HSPG2: variants seen among roughly 807,000 people sequenced by gnomAD.
HSPG2 encodes heparan sulfate proteoglycan 2, also known as basement membrane-specific heparan sulfate proteoglycan core protein.
A neutral mutation model predicts 526.6 loss-of-function variants in HSPG2; 278 were observed. That is an observed-to-expected ratio of 0.53 (90% confidence interval 0.48 to 0.58). The LOEUF is 0.58. HSPG2 is among the 20% of genes least tolerant of loss of function. HSPG2 has a pLI of 0.00. For missense variants in HSPG2, 5,354 were observed against 6,099.5 expected, an observed-to-expected ratio of 0.88 and a Z score of 4.07; for synonymous variants, 2,465 against 2,555.4, an observed-to-expected ratio of 0.96 and a Z score of 1.07.
In HSPG2 at chr1:21,855,681, G is replaced by T; in HGVS notation, c.5702-6C>A. On this transcript the variant is annotated splice_polypyrimidine_tract_variant and splice_region_variant and intron_variant, in intron 45 of 96. Coordinates refer to ENST00000374695, the MANE Select transcript of HSPG2 (RefSeq NM_005529.7). ...GAGCTGGCCGCCGGGGCCCCCTGACGAGTAGACGTGGGGTCAGCACCCACC... is the reference window on the plus strand; with the variant it reads ...GAGCTGGCCGCCGGGGCCCCCTGACTAGTAGACGTGGGGTCAGCACCCACC... 1 of 1,579,370 alleles carries T rather than the reference G, an allele frequency of 6.3e-7. No individual in the cohort carries two copies. The highest frequency in any genetic ancestry group is 2.3e-5 in the East Asian group (1 of 43,424).
At position 21,895,342 on chromosome 1, in the gene HSPG2, C is replaced by T. The variant is rs1163947429; in HGVS notation, c.244+580G>A. Among the ~76,000 whole-genome samples, 2 of 152,156 alleles carry T rather than the reference C, an allele frequency of 1.3e-5. No individual in the cohort carries two copies. Among genetic ancestry groups the T allele is most frequent in the Non-Finnish European group, 2.9e-5 (2 of 68,004 alleles). ...CATCCCAGTGCTGGGCCAGTCTGAC[C>T]AGGGTGGGGGCTGACTCTCCTCCCT... On this transcript the variant is annotated intron_variant, in intron 3 of 96. Transcript: ENST00000374695. This position sits in a 1 kb window ranked among gnomAD's most constrained non-coding sequence, Gnocchi z 4.1.
At chr1:21,925,186 T>C (rs192358997) in intron 1 of HSPG2, among the ~76,000 whole-genome samples, 4 of 152,284 alleles carry the variant, frequency 2.6e-5, no homozygotes, top group Admixed American at 2.6e-4. Context: ...GGGGGATTGA[T>C]AACACAGATC....
At chr1:21,841,974 T>C (rs1344522265) in intron 69 of HSPG2, 28 bp downstream of exon 69, 1 of 1,612,064 alleles carries the variant, frequency 6.2e-7, no homozygotes, top group Non-Finnish European at 8.5e-7. Flanking sequence ...GCCCCCAGCT[T>C]GCCCACCTGC....
intron 69 of HSPG2, 75 bp downstream of exon 69, chr1:21,841,927 A>T: frequency 6.3e-7 from 1 of 1,587,028 alleles, no homozygotes; most frequent in Non-Finnish European, 8.6e-7. Flanking sequence ...CTTCTGCCCC[A>T]CCCTTGCACA....
chr1:21,851,760 C>T, intron 54 of HSPG2, 31 bp downstream of exon 54: 2 of 1,614,040 alleles, frequency 1.2e-6, no homozygotes, highest in Non-Finnish European at 1.7e-6. Context: ...CTGTTCTCTG[C>T]ATCCCAGCCC....
intron 30 of HSPG2, 105 bp from the exon 31 acceptor site, chr1:21,873,196 A>G (rs756544737): frequency 8.9e-5 from 103 of 1,155,604 alleles, no homozygotes; most frequent in Non-Finnish European, 1.2e-4. Context: ...TTCTGATGTG[A>G]GTACTCAACA....
chr1:21,921,659 A>C (rs1048139710), intron 1 of HSPG2, among the ~76,000 whole-genome samples: 14 of 152,182 alleles, frequency 9.2e-5, no homozygotes, highest in Admixed American at 6.5e-4. Flanking sequence ...TAACCAGCGC[A>C]GAGCCAGTGT....
chr1:21,913,032 T>C (rs1369960114), intron 1 of HSPG2, among the ~76,000 whole-genome samples: 1 of 151,782 alleles, frequency 6.6e-6, no homozygotes, highest in African/African-American at 2.4e-5. Context: ...AATGGTGCTT[T>C]TGGGCAGCCG....
rs777311066 is a variant in HSPG2, at chr1:21,823,213, C to T, written c.*103G>A. Reference sequence around the variant, plus strand: ...GGGCGGTAGCAGCAAAGCGTGGCATCGCCTCGGTTTCTTACAAAAATTCAT... The same window carrying T: ...GGGCGGTAGCAGCAAAGCGTGGCATTGCCTCGGTTTCTTACAAAAATTCAT... On this transcript the variant is annotated 3_prime_UTR_variant, in exon 97 of 97. Transcript: ENST00000374695. 3.8e-4 allele frequency: 433 copies of T among 1,142,550 alleles called. 2 individuals are homozygous for T. The highest frequency in any genetic ancestry group is 5.0e-4 in the Non-Finnish European group (424 of 853,698). 70.8% of individuals were successfully genotyped at this position (1,142,550 alleles called of 1,614,324 possible).
rs375390882 is a variant in HSPG2, at chr1:21,846,494, T to C, written c.8270A>G (p.Gln2757Arg). 220 of 1,613,620 alleles carry C rather than the reference T, an allele frequency of 1.4e-4. No homozygotes were observed. The highest frequency in any genetic ancestry group is 1.8e-4 in the Non-Finnish European group (210 of 1,180,048). ...NCVVPGQAHA[Q>R]VTWHKRGGSL... ...GCCCCCACGCTTGTGCCAAGTGACC[T>C]GGGCATGGGCCTGCCCGGGGACCAC... Residue 2757 changes from glutamine (Q) to arginine (R), a missense_variant, in exon 63 of 97, where the codon CAG (glutamine) becomes CGG (arginine). Physicochemically the swap from Gln to Arg is conservative, Grantham distance 43. Coordinates refer to ENST00000374695, the MANE Select transcript of HSPG2 (RefSeq NM_005529.7).
chr1:21,823,345 C>T lies in HSPG2; in HGVS notation c.13147G>A (p.Gly4383Arg), dbSNP rs554059442. 41 of 1,542,780 alleles carry T rather than the reference C, an allele frequency of 2.7e-5. No individual in the cohort carries two copies. In the East Asian group the frequency reaches 5.8e-4, roughly 22 times the overall value. Residue 4383 changes from glycine to arginine, a missense_variant, in exon 97 of 97, where the codon GGG becomes AGG. By Grantham distance (125) the Gly-to-Arg change is moderately radical. Transcript: ENST00000374695. ...PLDLQHRAQA[G>R]ANTRPCPS Reference sequence around the variant, plus strand: ...GAGGGGCAGGGGCGTGTGTTGGCCCCGGCCTGGGCGCGGTGCTGCAGGTCC... The same window carrying T: ...GAGGGGCAGGGGCGTGTGTTGGCCCTGGCCTGGGCGCGGTGCTGCAGGTCC...
rs1370159678 is a variant in HSPG2, at chr1:21,858,373, T to A, written c.5294-988A>T. On this transcript the variant is annotated intron_variant, in intron 42 of 96. Coordinates refer to ENST00000374695, the MANE Select transcript of HSPG2 (RefSeq NM_005529.7). The surrounding 1 kb of genome is among the most constrained non-coding windows in gnomAD (Gnocchi z 4.2). ...CCTGCCCTTCCTCTTCCATTTGACA[T>A]GTTCACACTGGAGCTCCTCAGGACT... Among the ~76,000 whole-genome samples the A allele has an allele frequency of 6.6e-6, 1 of 152,196 alleles. No homozygotes were observed. Among genetic ancestry groups the A allele is most frequent in the Non-Finnish European group, 1.5e-5 (1 of 68,024 alleles).
chr1:21,873,186 T>C, intron 30 of HSPG2, 95 bp from the exon 31 acceptor site: 1 of 1,230,228 alleles, frequency 8.1e-7, no homozygotes, highest in East Asian at 2.3e-5. Context: ...GAGCTCTGAT[T>C]TCTGATGTGA....
chr1:21,847,319 C>T lies in HSPG2; in HGVS notation c.8164+35G>A. On this transcript the variant is annotated intron_variant, in intron 62 of 96. Coordinates refer to ENST00000374695, the MANE Select transcript of HSPG2 (RefSeq NM_005529.7). This position sits in a 1 kb window ranked among gnomAD's most constrained non-coding sequence, Gnocchi z 4.1. ...TCCTTCTCCCCAGGGAACACTGTTG[C>T]CTGCATCCCTCGTCCCTTTCCTAGG... 1 of 1,612,966 alleles carries T rather than the reference C, an allele frequency of 6.2e-7. No homozygotes were observed. The highest frequency in any genetic ancestry group is 8.5e-7 in the Non-Finnish European group (1 of 1,179,498).
intron 33 of HSPG2, chr1:21,870,264 C>A (rs1335470800): frequency 1.0e-6 from 1 of 986,048 alleles, no homozygotes; most frequent in Non-Finnish European, 1.2e-6. Context: ...CTGGGATCCT[C>A]CCAGCTGTCA....
Position 21,847,335 on chromosome 1 carries a change from C to T in HSPG2, c.8164+19G>A, listed in dbSNP as rs563761078. 2 of 1,613,828 alleles carry T rather than the reference C, an allele frequency of 1.2e-6. No homozygotes were observed. Among genetic ancestry groups the T allele is most frequent in the Admixed American group, 3.3e-5 (2 of 60,028 alleles). On this transcript the variant is annotated intron_variant, in intron 62 of 96. Coordinates refer to ENST00000374695, the MANE Select transcript of HSPG2 (RefSeq NM_005529.7). The surrounding 1 kb of genome is among the most constrained non-coding windows in gnomAD (Gnocchi z 4.1). ...ACACTGTTGCCTGCATCCCTCGTCC[C>T]TTTCCTAGGCAGACTCACCGGAGGG... is the stretch of plus-strand genomic sequence containing the variant.
At chr1:21,935,386 G>A (rs140564018) in intron 1 of HSPG2, among the ~76,000 whole-genome samples, 1 of 152,274 alleles carries the variant, frequency 6.6e-6, no homozygotes, top group Non-Finnish European at 1.5e-5. Context: ...GCCTGTGAGT[G>A]CTGGGAAGGC....
chr1:21,828,897 G>A lies in HSPG2; in HGVS notation c.12175C>T (p.Pro4059Ser). ...HTLLYLGGVE[P>S]SVPLSPATNM... Reference sequence around the variant, plus strand: ...GTGGCCGGGGACAGTGGCACGGAAGGCTCCACACCCCCCAGGTAGAGCAGG... The same window carrying A: ...GTGGCCGGGGACAGTGGCACGGAAGACTCCACACCCCCCAGGTAGAGCAGG... The change falls in exon 88 of 97, where the codon CCT becomes TCT. Residue 4059 changes from proline (P) to serine (S), a missense_variant. Coordinates refer to ENST00000374695, the MANE Select transcript of HSPG2 (RefSeq NM_005529.7). The surrounding 1 kb of genome is among the most constrained non-coding windows in gnomAD (Gnocchi z 6.0). The A allele has an allele frequency of 1.9e-6, 3 of 1,556,552 alleles. No homozygotes were observed. Among genetic ancestry groups the A allele is most frequent in the Non-Finnish European group, 2.6e-6 (3 of 1,150,032 alleles).
intron 81 of HSPG2, 73 bp from the exon 82 acceptor site, chr1:21,831,869 G>C: frequency 2.0e-6 from 3 of 1,483,362 alleles, no homozygotes; most frequent in Non-Finnish European, 2.7e-6. Context: ...GGCCCAGTTG[G>C]GTAGAGGGGT....
Sources: allele counts gnomAD v4.1 joint callset (sites outside exome capture counted in the v4.1 genomes callset), GRCh38; gene constraint gnomAD v4.1.1; non-coding constraint Gnocchi (gnomAD v3.1); transcripts MANE v1.5; gene names NCBI Gene and HGNC (gene_info 2026-07-23, HGNC 2026-07-21).